The following ZNF536 variants were observed in gnomAD, a reference collection of about 807,000 sequenced individuals.
The protein encoded by ZNF536 is zinc finger protein 536.
ZNF536 carries 13 observed loss-of-function variants against 84.5 expected under a neutral mutation model. The observed-to-expected ratio is 0.15, with a 90% confidence interval of 0.10 to 0.24. The LOEUF is 0.24. Among genes scored for constraint, ZNF536 ranks in the 10% least tolerant of loss-of-function variants. ZNF536 has a pLI of 1.00. For missense variants in ZNF536, 1,536 were observed against 1,747.5 expected (o/e 0.88, Z 2.16); for synonymous variants, 811 against 742.5 (o/e 1.09, Z -1.50).
At chr19:30,295,546 C>T (rs949385658) in intron 2 of ZNF536, among the ~76,000 whole-genome samples, 1 of 152,320 alleles carries the variant, frequency 6.6e-6, no homozygotes. Context: ...GCTGTTTCTG[C>T]GGCCCCAGGG....
chr19:30,248,464 G>C (rs1438741951), intron 1 of ZNF536, among the ~76,000 whole-genome samples: 1 of 148,076 alleles, frequency 6.8e-6, no homozygotes, highest in African/African-American at 2.5e-5. Context: ...GGCTCGTCTC[G>C]CACTTCTGGC....
chr19:30,237,259 G>C (rs1357442548), intron 1 of ZNF536, among the ~76,000 whole-genome samples: 1 of 152,122 alleles, frequency 6.6e-6, no homozygotes, highest in Non-Finnish European at 1.5e-5. Flanking sequence ...TCATTGATCT[G>C]AAGAATGAGT....
chr19:30,376,467 C>T (rs1192750212), intron 1 of ZNF536, among the ~76,000 whole-genome samples: 1 of 152,238 alleles, frequency 6.6e-6, no homozygotes, highest in Non-Finnish European at 1.5e-5. Context: ...CACCAGAGCC[C>T]TCACAGACCC....
At chr19:30,320,176 A>G (rs2046808468) in intron 2 of ZNF536, among the ~76,000 whole-genome samples, 1 of 152,230 alleles carries the variant, frequency 6.6e-6, no homozygotes, top group Non-Finnish European at 1.5e-5. Context: ...AAAAAATCAC[A>G]TGATTAAAAA....
intron 1 of ZNF536, among the ~76,000 whole-genome samples, chr19:30,238,100 C>A (rs1449797415): frequency 1.3e-5 from 2 of 152,106 alleles, no homozygotes; most frequent in Non-Finnish European, 2.9e-5. Flanking sequence ...ATTAAGGAGC[C>A]CAGAGACCAG....
chr19:30,379,052 A>AT (rs1470508125), intron 1 of ZNF536, among the ~76,000 whole-genome samples: 1 of 152,230 alleles, frequency 6.6e-6, no homozygotes, highest in African/African-American at 2.4e-5. Flanking sequence ...GCAGTTGGAA[A>AT]TAACACATGT....
At chr19:30,237,551 G>A (rs994474254) in intron 1 of ZNF536, among the ~76,000 whole-genome samples, 2 of 152,192 alleles carry the variant, frequency 1.3e-5, no homozygotes, top group Non-Finnish European at 2.9e-5. Flanking sequence ...GACTGTGGGG[G>A]CCAAGGCGAC....
At chr19:30,634,693 G>A (rs950872954) in intron 1 of ZNF536, among the ~76,000 whole-genome samples, 3 of 152,074 alleles carry the variant, frequency 2.0e-5, no homozygotes, top group Admixed American at 6.5e-5. Context: ...GCATCCACGC[G>A]TGTGAATGAG....
chr19:30,408,503 G>C (rs1406179091), intron 1 of ZNF536, among the ~76,000 whole-genome samples: 1 of 152,110 alleles, frequency 6.6e-6, no homozygotes, highest in Non-Finnish European at 1.5e-5. Flanking sequence ...AGTCATCACT[G>C]TTTTCTACTG....
At chr19:30,535,194 C>T (rs566082048) in intron 3 of ZNF536, among the ~76,000 whole-genome samples, 195 bp downstream of exon 3, 8 of 152,258 alleles carry the variant, frequency 5.3e-5, no homozygotes, top group East Asian at 1.9e-4. Flanking sequence ...ACATTCACCT[C>T]GCAAATGACT....
intron 2 of ZNF536, among the ~76,000 whole-genome samples, chr19:30,342,501 C>T (rs1461993916): frequency 1.3e-5 from 2 of 152,128 alleles, no homozygotes; most frequent in African/African-American, 2.4e-5. Context: ...AGTCTAATTA[C>T]AGTATGGAAG....
chr19:30,658,467 C>T (rs2050000740), intron 1 of ZNF536, among the ~76,000 whole-genome samples: 1 of 152,124 alleles, frequency 6.6e-6, no homozygotes, highest in Non-Finnish European at 1.5e-5. Flanking sequence ...GGTATCCCAG[C>T]TCTTTGCTGA....
intron 2 of ZNF536, among the ~76,000 whole-genome samples, chr19:30,532,460 G>T (rs1387607928): frequency 1.3e-5 from 2 of 152,104 alleles, no homozygotes; most frequent in East Asian, 3.9e-4. Context: ...ACCTGCCCCT[G>T]CCTACCTTCA....
chr19:30,518,243 G>T (rs1249796510), intron 2 of ZNF536, among the ~76,000 whole-genome samples: 4 of 152,198 alleles, frequency 2.6e-5, no homozygotes, highest in Non-Finnish European at 5.9e-5. Flanking sequence ...TGGGCAGCTG[G>T]CAGGAAGGGC....
At chr19:30,492,255 A>G (rs2054539433) in intron 2 of ZNF536, among the ~76,000 whole-genome samples, 1 of 152,220 alleles carries the variant, frequency 6.6e-6, no homozygotes, top group African/African-American at 2.4e-5. Flanking sequence ...TCTGCATAGT[A>G]TTAGAAATTG....
Position 30,409,366 on chromosome 19 carries a change from G to A in ZNF536, c.-2-34195G>A, listed in dbSNP as rs528572089. On this transcript the variant is annotated intron_variant, in intron 1 of 4. Coordinates refer to ENST00000355537, the MANE Select transcript of ZNF536 (RefSeq NM_014717.3). ...TCTGCTAAAGGACATCTCAAGCCTCGCTAATCTTACAGAGCTCTCTTTTCT... is the reference window on the plus strand; with the variant it reads ...TCTGCTAAAGGACATCTCAAGCCTCACTAATCTTACAGAGCTCTCTTTTCT... Among the ~76,000 whole-genome samples, 18 of 152,298 alleles carry A rather than the reference G, an allele frequency of 1.2e-4. 1 individual carries two copies. In the South Asian group the frequency reaches 3.5e-3, roughly 30 times the overall value.
chr19:30,483,446 C>T (rs2054168766), intron 2 of ZNF536, among the ~76,000 whole-genome samples: 1 of 152,102 alleles, frequency 6.6e-6, no homozygotes, highest in Admixed American at 6.5e-5. Context: ...GTGTCTCCTG[C>T]CATGCTGCCT....
chr19:30,240,524 G>A (rs1322206496), intron 1 of ZNF536, among the ~76,000 whole-genome samples: 1 of 152,204 alleles, frequency 6.6e-6, no homozygotes, highest in African/African-American at 2.4e-5. Flanking sequence ...GCTGCAGGTT[G>A]CTCTGCCTGG....
intron 1 of ZNF536, among the ~76,000 whole-genome samples, chr19:30,399,679 G>GTTTTTTT: frequency 8.9e-6 from 1 of 112,874 alleles, no homozygotes; most frequent in Non-Finnish European, 1.8e-5. Flanking sequence ...AATAAGAAAT[G>GTTTTTTT]TTTTTTTTTT....
Sources: gnomAD v4.1 joint callset for allele counts (sites outside exome capture counted in the v4.1 genomes callset) on GRCh38, gnomAD v4.1.1 for gene constraint, MANE v1.5 for transcripts, NCBI Gene and HGNC (gene_info 2026-07-23, HGNC 2026-07-21) for gene names.